The following GABRG3 variants were observed in gnomAD, a reference collection of about 807,000 sequenced individuals.
The protein encoded by GABRG3 is gamma-aminobutyric acid receptor subunit gamma-3.
In GABRG3, 25 loss-of-function variants were observed where a neutral mutation model predicts 48.8. The observed-to-expected ratio is 0.51, with a 90% CI of 0.37 to 0.72. The LOEUF is 0.72. GABRG3 is among the 30% of genes least tolerant of loss of function. GABRG3 has a pLI of 0.00. For synonymous variants in GABRG3, 227 were observed against 217.6 expected, an observed-to-expected ratio of 1.04 and a Z score of -0.38; for missense variants, 394 against 577.9, an observed-to-expected ratio of 0.68 and a Z score of 3.26.
chr15:27,089,022 T>A (rs1897138796), intron 3 of GABRG3, among the ~76,000 whole-genome samples: 2 of 152,102 alleles, frequency 1.3e-5, no homozygotes, highest in Non-Finnish European at 2.9e-5. Context: ...CGCCGGGCTC[T>A]GGAGCCCTGA....
chr15:27,208,279 G>T, intron 3 of GABRG3: 1 of 189,772 alleles, frequency 5.3e-6, no homozygotes, highest in South Asian at 1.2e-4. Flanking sequence ...AGCACTGGAC[G>T]AGCACCTGGC....
intron 5 of GABRG3, among the ~76,000 whole-genome samples, chr15:27,351,224 GGT>G (rs796323053): frequency 3.9e-4 from 58 of 147,330 alleles, no homozygotes; most frequent in African/African-American, 1.3e-3. Context: ...GTGCGTGTAT[GGT>G]GTGTGTGTTT....
chr15:27,218,058 G>T (rs1021678519), intron 3 of GABRG3, among the ~76,000 whole-genome samples: 1 of 152,158 alleles, frequency 6.6e-6, no homozygotes, highest in Non-Finnish European at 1.5e-5. Flanking sequence ...CTCCCAGGCT[G>T]GAGTGCAACT....
chr15:27,068,469 GGCT>G (rs1896775871), intron 3 of GABRG3, among the ~76,000 whole-genome samples: 1 of 152,272 alleles, frequency 6.6e-6, no homozygotes, highest in Non-Finnish European at 1.5e-5. Context: ...GCAGCGGTCT[GGCT>G]GCAGGTGTCT....
At chr15:27,379,237 T>G (rs1895691673) in intron 5 of GABRG3, among the ~76,000 whole-genome samples, 1 of 152,238 alleles carries the variant, frequency 6.6e-6, no homozygotes, top group East Asian at 1.9e-4. Flanking sequence ...TTCCCCTTGT[T>G]TGGGGTTGTA....
At chr15:27,354,058 C>T (rs996757663) in intron 5 of GABRG3, among the ~76,000 whole-genome samples, 8 of 152,276 alleles carry the variant, frequency 5.3e-5, no homozygotes, top group African/African-American at 1.9e-4. Context: ...GCTGATTGCA[C>T]AGTCATCACT....
intron 5 of GABRG3, among the ~76,000 whole-genome samples, chr15:27,398,238 G>A (rs775402513): frequency 3.3e-5 from 5 of 152,130 alleles, no homozygotes; most frequent in Non-Finnish European, 5.9e-5. Flanking sequence ...ACAGTTTCTG[G>A]ATGGCAAGGC....
chr15:27,303,395 C>T (rs28771249), intron 3 of GABRG3, among the ~76,000 whole-genome samples: 71,389 of 151,252 alleles, frequency 0.47, 18,959 homozygotes, highest in Non-Finnish European at 0.61. Flanking sequence ...CAAAGCCTAC[C>T]CAAGATGAAA....
At chr15:27,169,097 G>C (rs1887477783) in intron 3 of GABRG3, among the ~76,000 whole-genome samples, 1 of 152,220 alleles carries the variant, frequency 6.6e-6, no homozygotes, top group Non-Finnish European at 1.5e-5. Flanking sequence ...ATGGGCACTT[G>C]TCTTTGTGGA....
chr15:27,312,376 A>G lies in GABRG3; in HGVS notation c.271-14433A>G, dbSNP rs554209426. Among the ~76,000 whole-genome samples, 20 of 152,304 alleles carry G rather than the reference A, an allele frequency of 1.3e-4. 1 individual carries two copies. Among genetic ancestry groups the G allele is most frequent in the Middle Eastern group, 6.8e-3 (2 of 294 alleles). ...AAGAGAAAGAGAAACACCAGAAAGCATATTCAAAGAAACAGTAGCTAATTT... is the reference window on the plus strand; with the variant it reads ...AAGAGAAAGAGAAACACCAGAAAGCGTATTCAAAGAAACAGTAGCTAATTT... On this transcript the variant is annotated intron_variant, in intron 3 of 9. Transcript: ENST00000615808.
At chr15:27,484,719 A>T (rs922207399) in intron 6 of GABRG3, among the ~76,000 whole-genome samples, 1 of 152,210 alleles carries the variant, frequency 6.6e-6, no homozygotes, top group African/African-American at 2.4e-5. Flanking sequence ...AAACTAAGGC[A>T]TGCTAAACAC....
intron 3 of GABRG3, among the ~76,000 whole-genome samples, chr15:27,198,000 C>A (rs139035150): frequency 1.3e-5 from 2 of 152,206 alleles, no homozygotes; most frequent in African/African-American, 4.8e-5. Flanking sequence ...CTCTTTTCAT[C>A]TTTATTAGTC....
intron 5 of GABRG3, among the ~76,000 whole-genome samples, chr15:27,345,061 C>T (rs1359385726): frequency 6.6e-6 from 1 of 152,136 alleles, no homozygotes; most frequent in Non-Finnish European, 1.5e-5. Context: ...TTCTCTATCC[C>T]TTTCATTTTA....
At chr15:27,356,239 G>GA (rs1165418261) in intron 5 of GABRG3, among the ~76,000 whole-genome samples, 12 of 151,930 alleles carry the variant, frequency 7.9e-5, no homozygotes, top group African/African-American at 2.4e-5. Flanking sequence ...CCACCTGGAA[G>GA]AAAAAACAAA....
intron 3 of GABRG3, among the ~76,000 whole-genome samples, chr15:27,326,446 A>G (rs915828174): frequency 6.6e-6 from 1 of 152,144 alleles, no homozygotes; most frequent in African/African-American, 2.4e-5. Flanking sequence ...TCCCCATTTT[A>G]TAGATCAGAG....
Position 27,438,790 on chromosome 15 carries a change from A to G in GABRG3, c.575-41860A>G, listed in dbSNP as rs544084694. Among the ~76,000 whole-genome samples the G allele has an allele frequency of 2.7e-3, 413 of 152,336 alleles. 1 individual carries two copies. Among genetic ancestry groups the G allele is most frequent in the African/African-American group, 9.6e-3 (398 of 41,588 alleles). On this transcript the variant is annotated intron_variant, in intron 5 of 9. Coordinates refer to ENST00000615808, the MANE Select transcript of GABRG3 (RefSeq NM_033223.5). ...TCTCAAAAATCATCATGAGTACATTATGATTTTCTATAACAAGTGGACCGT... is the reference window on the plus strand; with the variant it reads ...TCTCAAAAATCATCATGAGTACATTGTGATTTTCTATAACAAGTGGACCGT...
Position 27,540,423 on chromosome 15 carries a change from TATC to T in GABRG3, c.*7546_*7548del, listed in dbSNP as rs1891639242. 1 of 152,246 alleles carries T rather than the reference TATC, an allele frequency of 6.6e-6. No homozygotes were observed. The highest frequency in any genetic ancestry group is 2.1e-4 in the South Asian group (1 of 4,830). The allele number at this position is 152,246 out of a possible 1,614,324, so 9.4% of individuals were successfully genotyped here. On this transcript the variant is annotated 3_prime_UTR_variant, in exon 10 of 10. Coordinates refer to ENST00000615808, the MANE Select transcript of GABRG3 (RefSeq NM_033223.5). ...TCAAAAAGACAATCACTGTGCTTCT[TATC>T]ATCTAATTTGAGTCTAGGCTTTGTT...
At chr15:27,028,052 G>A (rs1896015048) in intron 3 of GABRG3, among the ~76,000 whole-genome samples, 1 of 152,168 alleles carries the variant, frequency 6.6e-6, no homozygotes, top group African/African-American at 2.4e-5. Flanking sequence ...TTTTCCTGCA[G>A]GCCTTTAACT....
chr15:27,415,205 T>G (rs1887906120), intron 5 of GABRG3, among the ~76,000 whole-genome samples: 1 of 152,202 alleles, frequency 6.6e-6, no homozygotes, highest in Non-Finnish European at 1.5e-5. Flanking sequence ...CCATAGTTCT[T>G]GAATATTCTG....
Sources: allele counts gnomAD v4.1 joint callset (sites outside exome capture counted in the v4.1 genomes callset), GRCh38; gene constraint gnomAD v4.1.1; transcripts MANE v1.5; gene names NCBI Gene and HGNC (gene_info 2026-07-23, HGNC 2026-07-21).